The following STAT6 variants were observed in gnomAD, a reference collection of about 807,000 sequenced individuals.
The protein encoded by STAT6 is signal transducer and activator of transcription 6.
STAT6 carries 45 observed loss-of-function variants against 106.3 expected under a neutral mutation model. The ratio of observed to expected loss-of-function variants is 0.42; its 90% CI spans 0.33 to 0.54. The LOEUF is 0.54. Ranked by LOEUF, STAT6 falls within the 20% of genes least tolerant of loss-of-function variation. The probability of loss-of-function intolerance (pLI) is 0.06; values close to 1 mark genes in which losing one functional copy is unlikely to be tolerated. For synonymous variants in STAT6, 413 were observed against 413.6 expected (o/e 1.00, Z 0.02); for missense variants, 797 against 1,062.2 (o/e 0.75, Z 3.47).
At position 57,106,359 on chromosome 12, in the gene STAT6, T is replaced by A; in HGVS notation, c.532-20A>T. 6.2e-7 allele frequency: 1 copy of A among 1,614,070 alleles called. No individual in the cohort carries two copies. Among genetic ancestry groups the A allele is most frequent in the Non-Finnish European group, 8.5e-7 (1 of 1,179,906 alleles). ...CAGGGCCTATGGGCAGAGAGGGGCC[T>A]GAGCCAGGGCCTCACGCTGCCTCCA... is the stretch of plus-strand genomic sequence containing the variant. On this transcript the variant is annotated intron_variant, in intron 6 of 21. Coordinates refer to ENST00000300134, the MANE Select transcript of STAT6 (RefSeq NM_003153.5).
chr12:57,098,511 A>T lies in STAT6; in HGVS notation c.2153T>A (p.Phe718Tyr). 1 of 1,614,148 alleles carries T rather than the reference A, an allele frequency of 6.2e-7. No individual in the cohort carries two copies. Among genetic ancestry groups the T allele is most frequent in the Non-Finnish European group, 8.5e-7 (1 of 1,180,016 alleles). The change falls in exon 19 of 22, where the codon TTC (phenylalanine) becomes TAC (tyrosine). Residue 718 changes from phenylalanine (F) to tyrosine (Y), a missense_variant. Physicochemically the swap from Phe to Tyr is conservative, Grantham distance 22 (BLOSUM62 3). This residue lies in a region of STAT6 where 226 missense variants were observed against 236.7 expected (regional missense o/e 0.95). Transcript: ENST00000300134. Reference protein sequence around the residue: ...PEESVNVLSAFQEPHLQMPPS... With the variant: ...PEESVNVLSAYQEPHLQMPPS... ...CATGAGGTTTTTCACTTACTCCTGG[A>T]AGGCTGACAACACGTTGACTGATTC...
rs955977039 is a variant in STAT6, at chr12:57,105,471, G to A, written c.809C>T (p.Thr270Ile). ...RLDEVLRTLV[T>I]SCFLVEKQPP... ...ACTGGGAGCTCCCGGGGAATACCTG[G>A]TGACGAGGGTTCTCAGGACTTCATC... The change falls in exon 8 of 22, where the codon ACC becomes ATC. Residue 270 changes from threonine to isoleucine, a missense_variant. By Grantham distance (89) the Thr-to-Ile change is moderately conservative (BLOSUM62 -1). Around this residue, in one of 4 missense-constraint regions of STAT6, gnomAD observed 336 missense variants for 429.8 expected, o/e 0.78. Transcript: ENST00000300134. The A allele has an allele frequency of 1.1e-5, 17 of 1,613,922 alleles. No homozygotes were observed. The highest frequency in any genetic ancestry group is 1.7e-5 in the Admixed American group (1 of 59,996).
In STAT6 at chr12:57,099,971, C is replaced by T. The variant is rs1027830536; in HGVS notation, c.1607+25G>A. ...TGGAGGTGACTGGTGTATGGCTGCT[C>T]AGACTACCCAGGGTGGGGACTCACC... On this transcript the variant is annotated intron_variant, in intron 14 of 21. Transcript: ENST00000300134. The surrounding 1 kb of genome is among the most constrained non-coding windows in gnomAD (Gnocchi z 4.7). The T allele has an allele frequency of 6.2e-7, 1 of 1,613,870 alleles. No individual in the cohort carries two copies. Among genetic ancestry groups the T allele is most frequent in the African/African-American group, 1.3e-5 (1 of 74,902 alleles).
chr12:57,106,235 C>G lies in STAT6; in HGVS notation c.636G>C (p.Gly212=), dbSNP rs189954641. ...QIWKRQQQLA[G]NGAPFEESLA... Reference sequence around the variant, plus strand: ...GGCTCTCCTCAAACGGTGCGCCATTCCCTGCCAGCTGCTGCTGCCGTTTCC... The same window carrying G: ...GGCTCTCCTCAAACGGTGCGCCATTGCCTGCCAGCTGCTGCTGCCGTTTCC... Residue 212 remains glycine (G), a synonymous_variant, in exon 7 of 22, where the codon GGG becomes GGC. Coordinates refer to ENST00000300134, the MANE Select transcript of STAT6 (RefSeq NM_003153.5). The G allele has an allele frequency of 5.6e-6, 9 of 1,614,118 alleles. No individual in the cohort carries two copies. In the African/African-American group the frequency reaches 8.0e-5, roughly 14 times the overall value.
At chr12:57,100,903 TA>T (rs2033886292) in intron 13 of STAT6, 2 of 454,754 alleles carry the variant, frequency 4.4e-6, no homozygotes, top group Non-Finnish European at 8.8e-6. Context: ...TCCTCATCTG[TA>T]AAATGGGGAT....
Position 57,106,532 on chromosome 12 carries a change from C to G in STAT6, c.527G>C (p.Ser176Thr). Residue 176 changes from serine (S) to threonine (T), a missense_variant, in exon 6 of 22, where the codon AGT becomes ACT. Transcript: ENST00000300134. ...ACCTGTCAGCCCATTACTCACCTCA[C>G]TTGGCCCAGTCCCATTAGCAGGAGT... ...IETPANGTGP[S>T]EALAMLLQET... is the part of the protein sequence containing the mutation. 1 of 1,614,190 alleles carries G rather than the reference C, an allele frequency of 6.2e-7. No homozygotes were observed. Among genetic ancestry groups the G allele is most frequent in the Non-Finnish European group, 8.5e-7 (1 of 1,180,028 alleles).
chr12:57,096,822 CAGCCTCCACTCCCA>C lies in STAT6; in HGVS notation c.2354+14_2354+27del. On this transcript the variant is annotated intron_variant, in intron 21 of 21. Transcript: ENST00000300134. ...GGCGCCCACTCCCCTAGATGCCACC[CAGCCTCCACTCCCA>C]AGCTGCCACTCACCAAGTGCCCTGA... 6.2e-7 allele frequency: 1 copy of C among 1,613,898 alleles called. No homozygotes were observed. Among genetic ancestry groups the C allele is most frequent in the Non-Finnish European group, 8.5e-7 (1 of 1,179,922 alleles).
Position 57,106,934 on chromosome 12 carries a change from T to A in STAT6, c.340-103A>T. 3 of 1,536,370 alleles carry A rather than the reference T, an allele frequency of 2.0e-6. No individual in the cohort carries two copies. In the South Asian group the frequency reaches 3.7e-5, roughly 19 times the overall value. ...CAGATAGCGTTTTCTTGTTCCCCTC[T>A]CCCCTTTGGCAGTTCTTCCTGACCT... On this transcript the variant is annotated intron_variant, in intron 4 of 21. Transcript: ENST00000300134.
chr12:57,100,751 G>T (rs113646727), intron 13 of STAT6: 3 of 222,866 alleles, frequency 1.3e-5, no homozygotes, highest in African/African-American at 2.6e-5. Flanking sequence ...AGAAAGAAAA[G>T]AAAAAAAAAC....
intron 9 of STAT6, 58 bp downstream of exon 9, chr12:57,105,093 A>G: frequency 6.5e-7 from 1 of 1,547,162 alleles, no homozygotes; most frequent in Admixed American, 1.8e-5. Context: ...CCAGCCCTCC[A>G]GGCTGCCTCC....
intron 1 of STAT6, among the ~76,000 whole-genome samples, chr12:57,110,892 G>C (rs1054709622): frequency 1.3e-5 from 2 of 152,092 alleles, no homozygotes; most frequent in African/African-American, 2.4e-5. Context: ...GGGTGCAGGG[G>C]TGAGGCTGTG....
chr12:57,109,187 G>A (rs1361085489), intron 1 of STAT6, among the ~76,000 whole-genome samples: 1 of 152,000 alleles, frequency 6.6e-6, no homozygotes, highest in African/African-American at 2.4e-5. Flanking sequence ...GGGCGACAGA[G>A]AGAGACTCTG....
chr12:57,104,789 G>T lies in STAT6; in HGVS notation c.1026C>A (p.Asn342Lys). Residue 342 changes from asparagine to lysine, a missense_variant, in exon 10 of 22, where the codon AAC becomes AAA. By Grantham distance (94) the Asn-to-Lys change is moderately conservative. This residue lies in a region of STAT6 where 336 missense variants were observed against 429.8 expected (regional missense o/e 0.78). Transcript: ENST00000300134. Reference protein sequence around the residue: ...AGAESTGEIINNTVPLENSIP... With the variant: ...AGAESTGEIIKNTVPLENSIP... ...TGCTGTTCTCCAAGGGCACAGTGTTGTTGATGATTTCTCCAGTGCTTTCTC... is the reference window on the plus strand; with the variant it reads ...TGCTGTTCTCCAAGGGCACAGTGTTTTTGATGATTTCTCCAGTGCTTTCTC... 6.2e-7 allele frequency: 1 copy of T among 1,614,144 alleles called. No homozygotes were observed.
At chr12:57,101,236 G>A (rs2033909602) in intron 13 of STAT6, among the ~76,000 whole-genome samples, 1 of 151,976 alleles carries the variant, frequency 6.6e-6, no homozygotes, top group Non-Finnish European at 1.5e-5. Context: ...CTACAGGCAT[G>A]CGCCACCATG....
chr12:57,096,524 T>G lies in STAT6; in HGVS notation c.*48A>C, dbSNP rs777652133. The G allele has an allele frequency of 3.3e-6, 5 of 1,519,622 alleles. No individual in the cohort carries two copies. The highest frequency in any genetic ancestry group is 1.4e-5 in the African/African-American group (1 of 71,754). 94.1% of individuals were successfully genotyped at this position (1,519,622 alleles called of 1,614,324 possible). On this transcript the variant is annotated 3_prime_UTR_variant, in exon 22 of 22. Transcript: ENST00000300134. Reference sequence around the variant, plus strand: ...TGAGCAAGTGTCCAGAGCAGGTCTGTGGGGGTAGTAGAAGAGCTGTCTCTT... The same window carrying G: ...TGAGCAAGTGTCCAGAGCAGGTCTGGGGGGGTAGTAGAAGAGCTGTCTCTT...
intron 13 of STAT6, among the ~76,000 whole-genome samples, chr12:57,100,473 C>G (rs575076901): frequency 6.6e-6 from 1 of 152,158 alleles, no homozygotes; most frequent in Non-Finnish European, 1.5e-5. Context: ...GCTACACCCT[C>G]TCCCTAAGGA....
In STAT6 at chr12:57,096,630, T is replaced by C. The variant is rs1056183205; in HGVS notation, c.2486A>G (p.Tyr829Cys). 27 of 1,608,448 alleles carry C rather than the reference T, an allele frequency of 1.7e-5. No individual in the cohort carries two copies. Among genetic ancestry groups the C allele is most frequent in the African/African-American group, 2.7e-5 (2 of 74,520 alleles). ...GGACATTGAGATCCCAGATTGCCCA[T>C]AGTGGGAGGGCTGCAGGAGGGGCTG... The part of the protein sequence containing the change: ...GAQPLLQPSH[Y>C]GQSGISMSHM... The change falls in exon 22 of 22, where the codon TAT becomes TGT. Residue 829 changes from tyrosine (Y) to cysteine (C), a missense_variant. Physicochemically the swap from Tyr to Cys is radical, Grantham distance 194 (BLOSUM62 -2). Transcript: ENST00000300134.
chr12:57,096,967 G>A lies in STAT6; in HGVS notation c.2237C>T (p.Pro746Leu), dbSNP rs373268442. ...CACAGCATGCTCCTGAGGCTGGCAC[G>A]GCAGCAGGCCCCTGCCAGGAACCAG... ...FDQPHPQGLL[P>L]CQPQEHAVSS... Residue 746 changes from proline (P) to leucine (L), a missense_variant, in exon 21 of 22, where the codon CCG becomes CTG. Pro to Leu is a moderately conservative substitution (Grantham distance 98, BLOSUM62 -3). Around this residue, in one of 4 missense-constraint regions of STAT6, gnomAD observed 226 missense variants for 236.7 expected, o/e 0.95. Transcript: ENST00000300134. The A allele has an allele frequency of 7.4e-6, 12 of 1,613,230 alleles. No individual in the cohort carries two copies. The African/African-American group carries it at 1.3e-4, about 18-fold the overall frequency.
chr12:57,102,954 TTC>T (rs757556769), intron 11 of STAT6, 33 bp from the exon 12 acceptor site: 15 of 833,218 alleles, frequency 1.8e-5, no homozygotes, highest in Non-Finnish European at 2.3e-5. Flanking sequence ...TTTCTTTTCT[TTC>T]TTTCTTTCCT....
Sources: allele counts gnomAD v4.1 joint callset (sites outside exome capture counted in the v4.1 genomes callset), GRCh38; gene constraint gnomAD v4.1.1; regional missense constraint gnomAD v4.1.1; non-coding constraint Gnocchi (gnomAD v3.1); transcripts MANE v1.5; gene names NCBI Gene and HGNC (gene_info 2026-07-23, HGNC 2026-07-21).